Variants in OLA1 observed in about 807,000 individuals in gnomAD.
The protein encoded by OLA1 is obg-like ATPase 1.
A neutral mutation model predicts 48.4 loss-of-function variants in OLA1; 14 were observed. That is an observed-to-expected ratio of 0.29 (90% CI 0.19 to 0.45). OLA1 has a LOEUF of 0.45. Ranked by LOEUF, OLA1 falls within the 20% of genes least tolerant of loss-of-function variation. The pLI is 1.00. For synonymous variants in OLA1, 127 were observed against 150.4 expected, an observed-to-expected ratio of 0.84 and a Z score of 1.14; for missense variants, 325 against 467.1, an observed-to-expected ratio of 0.70 and a Z score of 2.80.
intron 7 of OLA1, among the ~76,000 whole-genome samples, chr2:174,105,995 T>C (rs952550624): frequency 7.8e-5 from 11 of 140,226 alleles, no homozygotes; most frequent in Non-Finnish European, 1.2e-4. Flanking sequence ...TTTTGTTGGC[T>C]GTCAACTGCT....
At chr2:174,192,111 TTTA>T (rs1174205061) in intron 4 of OLA1, among the ~76,000 whole-genome samples, 2 of 152,188 alleles carry the variant, frequency 1.3e-5, no homozygotes, top group African/African-American at 2.4e-5. Context: ...CTTCTATAGA[TTTA>T]TTATTATGAC....
In OLA1 at chr2:174,123,279, TA is replaced by T; in HGVS notation, c.631-3del. The T allele has an allele frequency of 7.1e-7, 1 of 1,408,538 alleles. No individual in the cohort carries two copies. The highest frequency in any genetic ancestry group is 1.3e-5 in the South Asian group (1 of 79,214). The allele number at this position is 1,408,538 out of a possible 1,614,324, so 87.3% of individuals were successfully genotyped here. On this transcript the variant is annotated splice_region_variant and splice_polypyrimidine_tract_variant and intron_variant, in intron 6 of 10. Coordinates refer to ENST00000284719, the MANE Select transcript of OLA1 (RefSeq NM_013341.5). ...TAAGTGTTTATTCAACACTTCAATC[TA>T]AAGTGGGAGATGGAGAAAGAATCCC...
chr2:174,239,127 A>G (rs1230770824), intron 2 of OLA1, among the ~76,000 whole-genome samples: 1 of 152,234 alleles, frequency 6.6e-6, no homozygotes, highest in African/African-American at 2.4e-5. Context: ...TGTAGAAGAA[A>G]TAAGGGATAT....
chr2:174,215,005 G>A (rs10186796), intron 4 of OLA1, among the ~76,000 whole-genome samples: 60,530 of 150,868 alleles, frequency 0.4, 12,898 homozygotes, highest in East Asian at 0.73. Flanking sequence ...AGTCAAGATC[G>A]CGCCATTACA....
chr2:174,221,468 G>A (rs1016300128), intron 4 of OLA1, among the ~76,000 whole-genome samples: 2 of 151,944 alleles, frequency 1.3e-5, no homozygotes, highest in African/African-American at 4.8e-5. Flanking sequence ...ACCTTATCAG[G>A]GAATCAGATC....
At chr2:174,095,710 C>T (rs945345758) in intron 7 of OLA1, among the ~76,000 whole-genome samples, 1 of 151,832 alleles carries the variant, frequency 6.6e-6, no homozygotes, top group African/African-American at 2.4e-5. Flanking sequence ...GTTTATGTAA[C>T]AAAAGATACT....
At position 174,166,853 on chromosome 2, in the gene OLA1, T is replaced by C. The variant is rs1278823425; in HGVS notation, c.374-24853A>G. Among the ~76,000 whole-genome samples the C allele has an allele frequency of 5.3e-5, 8 of 152,312 alleles. No homozygotes were observed. The East Asian group carries it at 1.5e-3, about 29-fold the overall frequency. The stretch of plus-strand genomic sequence containing the variant: ...CCCAAATTACCCTGCTAAAAGATTG[T>C]ATTAACTTTTTTAGGGTAATTTAAT... On this transcript the variant is annotated intron_variant, in intron 4 of 10. Coordinates refer to ENST00000284719, the MANE Select transcript of OLA1 (RefSeq NM_013341.5).
intron 7 of OLA1, among the ~76,000 whole-genome samples, chr2:174,102,992 G>T (rs1220385312): frequency 1.3e-5 from 2 of 152,102 alleles, no homozygotes; most frequent in Non-Finnish European, 2.9e-5. Context: ...CCACTTTCAA[G>T]GAAGAAGGAG....
chr2:174,139,522 C>T (rs80107935), intron 5 of OLA1, among the ~76,000 whole-genome samples: 2,566 of 152,322 alleles, frequency 0.017, 33 homozygotes, highest in Middle Eastern at 0.044. Flanking sequence ...CCACTCCTGC[C>T]TTCTTTATTT....
intron 4 of OLA1, among the ~76,000 whole-genome samples, chr2:174,209,920 A>C (rs1384027020): frequency 6.6e-6 from 1 of 152,246 alleles, no homozygotes; most frequent in East Asian, 1.9e-4. Context: ...TTATAACAAT[A>C]TTATAAGGAA....
intron 4 of OLA1, among the ~76,000 whole-genome samples, chr2:174,214,766 G>A (rs1172200047): frequency 6.6e-6 from 1 of 152,114 alleles, no homozygotes; most frequent in African/African-American, 2.4e-5. Flanking sequence ...ATTTTAAAAA[G>A]GGGCTGGGAG....
At chr2:174,116,894 AAAG>A (rs1327390929) in intron 7 of OLA1, among the ~76,000 whole-genome samples, 1 of 152,232 alleles carries the variant, frequency 6.6e-6, no homozygotes, top group Non-Finnish European at 1.5e-5. Context: ...AAGGTTTTTA[AAAG>A]AATAAACAAT....
At chr2:174,105,828 C>T (rs891775134) in intron 7 of OLA1, among the ~76,000 whole-genome samples, 1 of 151,946 alleles carries the variant, frequency 6.6e-6, no homozygotes, top group Admixed American at 6.6e-5. Context: ...TTATAATATT[C>T]TTGAAGCAAA....
chr2:174,098,888 T>C (rs1295482001), intron 7 of OLA1, among the ~76,000 whole-genome samples: 1 of 152,228 alleles, frequency 6.6e-6, no homozygotes, highest in Non-Finnish European at 1.5e-5. Context: ...TATTTACCTG[T>C]GATGTGGCTA....
chr2:174,114,258 C>T (rs928624880), intron 7 of OLA1, among the ~76,000 whole-genome samples: 3 of 132,886 alleles, frequency 2.3e-5, no homozygotes, highest in African/African-American at 5.7e-5. Flanking sequence ...AGGAGAATGG[C>T]GTGAACCCGG....
At chr2:174,237,836 A>C (rs749890579) in intron 2 of OLA1, among the ~76,000 whole-genome samples, 5 of 152,244 alleles carry the variant, frequency 3.3e-5, no homozygotes, top group Non-Finnish European at 7.3e-5. Flanking sequence ...CGTACTGTAC[A>C]TAATTGTATA....
intron 7 of OLA1, among the ~76,000 whole-genome samples, chr2:174,091,773 T>G (rs1028788346): frequency 2.7e-5 from 4 of 145,690 alleles, no homozygotes; most frequent in Middle Eastern, 3.6e-3. Flanking sequence ...ACTCAGAGGC[T>G]GAGGCAGGAG....
At chr2:174,152,797 C>T (rs1347867239) in intron 4 of OLA1, among the ~76,000 whole-genome samples, 1 of 152,140 alleles carries the variant, frequency 6.6e-6, no homozygotes, top group Non-Finnish European at 1.5e-5. Flanking sequence ...TCAAAAGTAA[C>T]TCTTAAGTCT....
chr2:174,153,325 G>T (rs1686788944), intron 4 of OLA1, among the ~76,000 whole-genome samples: 1 of 152,046 alleles, frequency 6.6e-6, no homozygotes, highest in Admixed American at 6.6e-5. Flanking sequence ...CTAATTTTAA[G>T]AGTTCTCTTA....
Sources: gnomAD v4.1 joint callset for allele counts (sites outside exome capture counted in the v4.1 genomes callset) on GRCh38, gnomAD v4.1.1 for gene constraint, MANE v1.5 for transcripts, NCBI Gene and HGNC (gene_info 2026-07-23, HGNC 2026-07-21) for gene names.